Variants in MEOX2 observed in about 807,000 individuals in gnomAD.
MEOX2 encodes the protein homeobox protein MOX-2.
MEOX2 carries 11 observed loss-of-function variants against 27.0 expected under a neutral mutation model. The ratio of observed to expected loss-of-function variants is 0.41; its 90% confidence interval spans 0.26 to 0.68. MEOX2 has a LOEUF of 0.68. MEOX2 is among the 30% of genes least tolerant of loss of function. The pLI is 0.33. For missense variants in MEOX2, 436 were observed against 385.4 expected (o/e 1.13, Z -1.10); for synonymous variants, 189 against 155.4 (o/e 1.22, Z -1.61).
At chr7:15,642,737 AT>A (rs1781581958) in intron 1 of MEOX2, among the ~76,000 whole-genome samples, 1 of 152,110 alleles carries the variant, frequency 6.6e-6, no homozygotes, top group African/African-American at 2.4e-5. Context: ...TGCAGAAGCT[AT>A]TACTTCTTAT....
chr7:15,671,399 A>T lies in MEOX2; in HGVS notation c.517+14487T>A, dbSNP rs189132132. 1.6e-4 allele frequency among the ~76,000 whole-genome samples: 25 copies of T among 152,350 alleles called. No individual in the cohort carries two copies. The East Asian group carries it at 1.9e-3, about 12-fold the overall frequency. On this transcript the variant is annotated intron_variant, in intron 1 of 2. Coordinates refer to ENST00000262041, the MANE Select transcript of MEOX2 (RefSeq NM_005924.5). ...TTTAACAGATTTTTTTAAACCTATC[A>T]AAATGTGTTGCAATATGGATTGATT...
At chr7:15,665,211 G>T (rs1381841301) in intron 1 of MEOX2, among the ~76,000 whole-genome samples, 2 of 151,970 alleles carry the variant, frequency 1.3e-5, no homozygotes, top group South Asian at 2.1e-4. Context: ...GAATCTATAT[G>T]ATTTCCTCCA....
intron 1 of MEOX2, among the ~76,000 whole-genome samples, chr7:15,628,355 T>A (rs190892452): frequency 1.3e-5 from 2 of 152,122 alleles, no homozygotes; most frequent in East Asian, 3.9e-4. Context: ...AGATGTAAAG[T>A]TTTCTAGGTC....
chr7:15,664,532 C>A (rs1437280606), intron 1 of MEOX2, among the ~76,000 whole-genome samples: 1 of 152,126 alleles, frequency 6.6e-6, no homozygotes, highest in East Asian at 1.9e-4. Context: ...ACTCCTCAAG[C>A]AAGACCCCAC....
Position 15,612,579 on chromosome 7 carries a change from C to T in MEOX2, c.723G>A (p.Lys241=), listed in dbSNP as rs372938741. Reference sequence around the variant, plus strand: ...GCTGTCCACCCTTTACCCTCTTCCACTTCATCCGCCTGTTTTGGAACCAGA... The same window carrying T: ...GCTGTCCACCCTTTACCCTCTTCCATTTCATCCGCCTGTTTTGGAACCAGA... ...VKVWFQNRRM[K]WKRVKGGQQG... Residue 241 remains lysine, a synonymous_variant, in exon 3 of 3, where the codon AAG becomes AAA. Transcript: ENST00000262041. The T allele has an allele frequency of 6.2e-6, 10 of 1,614,096 alleles. No individual in the cohort carries two copies. The highest frequency in any genetic ancestry group is 8.5e-6 in the Non-Finnish European group (10 of 1,180,014).
chr7:15,640,729 T>C (rs752369167), intron 1 of MEOX2, among the ~76,000 whole-genome samples: 2 of 152,156 alleles, frequency 1.3e-5, no homozygotes, highest in African/African-American at 4.8e-5. Flanking sequence ...AGGGTTTTTA[T>C]CATGAAGGAT....
chr7:15,645,203 T>G (rs1365407297), intron 1 of MEOX2, among the ~76,000 whole-genome samples: 1 of 152,226 alleles, frequency 6.6e-6, no homozygotes, highest in Non-Finnish European at 1.5e-5. Flanking sequence ...CTTGTAGTGT[T>G]AATCTGACAA....
intron 1 of MEOX2, among the ~76,000 whole-genome samples, chr7:15,643,797 G>A (rs1030608232): frequency 6.6e-6 from 1 of 152,172 alleles, no homozygotes. Flanking sequence ...CTGTAGTCAA[G>A]ATCAAGCCAT....
At chr7:15,631,814 G>A (rs868717566) in intron 1 of MEOX2, among the ~76,000 whole-genome samples, 8 of 150,868 alleles carry the variant, frequency 5.3e-5, no homozygotes, top group Middle Eastern at 3.5e-3. Context: ...ATTTTAATAT[G>A]AAAGAGAATT....
In MEOX2 at chr7:15,663,385, C is replaced by T. The variant is rs1031772983; in HGVS notation, c.517+22501G>A. 6.0e-5 allele frequency among the ~76,000 whole-genome samples: 9 copies of T among 150,346 alleles called. No individual in the cohort carries two copies. The East Asian group carries it at 1.2e-3, about 20-fold the overall frequency. On this transcript the variant is annotated intron_variant, in intron 1 of 2. Coordinates refer to ENST00000262041, the MANE Select transcript of MEOX2 (RefSeq NM_005924.5). ...TCTCACTCAGTCACCCAAGCTGGAACGCAGTGGCACGATCTCAGCTCACTG... is the reference window on the plus strand; with the variant it reads ...TCTCACTCAGTCACCCAAGCTGGAATGCAGTGGCACGATCTCAGCTCACTG...
intron 2 of MEOX2, among the ~76,000 whole-genome samples, chr7:15,624,691 A>G (rs910287893): frequency 1.3e-5 from 2 of 152,156 alleles, no homozygotes; most frequent in Non-Finnish European, 2.9e-5. Flanking sequence ...GGCCAGCAGT[A>G]TTACTGTCCA....
intron 1 of MEOX2, among the ~76,000 whole-genome samples, chr7:15,674,642 T>C (rs1782163528): frequency 6.6e-6 from 1 of 151,972 alleles, no homozygotes; most frequent in African/African-American, 2.4e-5. Flanking sequence ...ATGGAATAAT[T>C]AACTGTATTT....
chr7:15,676,275 A>C (rs1782191005), intron 1 of MEOX2: 1 of 152,226 alleles, frequency 6.6e-6, no homozygotes, highest in African/African-American at 2.4e-5. Flanking sequence ...AAATTATATC[A>C]CCAAAATAAA....
chr7:15,619,331 A>T (rs1247524909), intron 2 of MEOX2, among the ~76,000 whole-genome samples: 1 of 152,022 alleles, frequency 6.6e-6, no homozygotes, highest in South Asian at 2.1e-4. Context: ...TTTCTTTAGC[A>T]GTACACTCTA....
chr7:15,686,462 C>T lies in MEOX2; in HGVS notation c.-60G>A, dbSNP rs1782388360. The T allele has an allele frequency of 1.4e-6, 2 of 1,427,972 alleles. No homozygotes were observed. Among genetic ancestry groups the T allele is most frequent in the South Asian group, 1.4e-5 (1 of 72,512 alleles). 88.5% of individuals were successfully genotyped at this position (1,427,972 alleles called of 1,614,324 possible). A position where few individuals can be genotyped will look rare whatever the true frequency, so the allele number is the denominator to read the frequency against. ...CACGGCGGTTCCAAAGGCCACCACC[C>T]TCTGTCACTTTTTCACTGGAAACCG... On this transcript the variant is annotated 5_prime_UTR_variant, in exon 1 of 3. Coordinates refer to ENST00000262041, the MANE Select transcript of MEOX2 (RefSeq NM_005924.5).
At chr7:15,625,034 C>T (rs1005733438) in intron 2 of MEOX2, among the ~76,000 whole-genome samples, 5 of 152,134 alleles carry the variant, frequency 3.3e-5, no homozygotes, top group African/African-American at 1.2e-4. Context: ...AGACCACCCC[C>T]AAAATGTCAA....
At chr7:15,628,504 C>G (rs74623372) in intron 1 of MEOX2, among the ~76,000 whole-genome samples, 206 of 152,262 alleles carry the variant, frequency 1.4e-3, no homozygotes, top group Admixed American at 2.2e-3. Context: ...GACCACGTTT[C>G]TGGGCTTGTC....
At position 15,612,439 on chromosome 7, in the gene MEOX2, G is replaced by C; in HGVS notation, c.863C>G (p.Ala288Gly). ...ATLQQTGDSI[A>G]NEDSHDSDHS... is the part of the protein sequence containing the mutation. ...GTCACTGTCGTGACTGTCTTCATTT[G>C]CTATAGAGTCCCCTGTTTGCTGGAG... The change falls in exon 3 of 3, where the codon GCA becomes GGA. Residue 288 changes from alanine to glycine, a missense_variant. By Grantham distance (60) the Ala-to-Gly change is moderately conservative (BLOSUM62 0). Coordinates refer to ENST00000262041, the MANE Select transcript of MEOX2 (RefSeq NM_005924.5). 1.2e-6 allele frequency: 2 copies of C among 1,614,124 alleles called. No homozygotes were observed. Among genetic ancestry groups the C allele is most frequent in the Non-Finnish European group, 1.7e-6 (2 of 1,180,026 alleles).
At chr7:15,662,431 T>C (rs1781932401) in intron 1 of MEOX2, among the ~76,000 whole-genome samples, 1 of 151,984 alleles carries the variant, frequency 6.6e-6, no homozygotes, top group South Asian at 2.1e-4. Context: ...ACTGCTCCAA[T>C]AGCATGAATA....
Sources: gnomAD v4.1 joint callset for allele counts (sites outside exome capture counted in the v4.1 genomes callset) on GRCh38, gnomAD v4.1.1 for gene constraint, MANE v1.5 for transcripts, NCBI Gene and HGNC (gene_info 2026-07-23, HGNC 2026-07-21) for gene names.